Variants in CYP20A1 observed in about 807,000 individuals in gnomAD.
CYP20A1 encodes cytochrome P450 20A1.
A neutral mutation model predicts 61.4 loss-of-function variants in CYP20A1; 61 were observed. The observed-to-expected ratio is 0.99, with a 90% CI of 0.81 to 1.23. CYP20A1 has a LOEUF of 1.23. CYP20A1 is among the 50% of genes most tolerant of loss of function. The pLI is 0.00. For missense variants in CYP20A1, 530 were observed against 542.4 expected (o/e 0.98, Z 0.23); for synonymous variants, 193 against 188.2 (o/e 1.03, Z -0.21).
chr2:203,294,553 T>TAA (rs2068690922), intron 11 of CYP20A1, among the ~76,000 whole-genome samples: 1 of 151,990 alleles, frequency 6.6e-6, no homozygotes, highest in African/African-American at 2.4e-5. Flanking sequence ...AAAATAATGA[T>TAA]AATAATCACA....
rs1340101595 is a variant in CYP20A1 at position 203,305,185 on chromosome 2, G to A, written c.*8277G>A. 1.4e-5 allele frequency among the ~76,000 whole-genome samples: 2 copies of A among 146,460 alleles called. No homozygotes were observed. Among genetic ancestry groups the A allele is most frequent in the Non-Finnish European group, 3.0e-5 (2 of 67,234 alleles). On this transcript the variant is annotated 3_prime_UTR_variant, in exon 13 of 13. Coordinates refer to ENST00000356079, the MANE Select transcript of CYP20A1 (RefSeq NM_177538.3). ...TCCCAATTTAATTGGTTTACAGTTC[G>A]GTGGCTGTCTTTTTTTTTTTTTTTT... is the stretch of plus-strand genomic sequence containing the variant.
intron 6 of CYP20A1, among the ~76,000 whole-genome samples, chr2:203,274,746 A>G (rs544444404): frequency 6.6e-6 from 1 of 152,232 alleles, no homozygotes; most frequent in African/African-American, 2.4e-5. Flanking sequence ...AAAAAAAGAA[A>G]AAAAAAAGCC....
At position 203,305,226 on chromosome 2, in the gene CYP20A1, G is replaced by A. The variant is rs12615522; in HGVS notation, c.*8318G>A. ...TTTTTTTTTTTTTTTTTTTGAGACC[G>A]AGTCTCCCTCTGTCACCAGGCTGGA... On this transcript the variant is annotated 3_prime_UTR_variant, in exon 13 of 13. Coordinates refer to ENST00000356079, the MANE Select transcript of CYP20A1 (RefSeq NM_177538.3). 6.9e-5 allele frequency among the ~76,000 whole-genome samples: 8 copies of A among 115,268 alleles called. No homozygotes were observed. Among genetic ancestry groups the A allele is most frequent in the East Asian group, 2.5e-4 (1 of 4,004 alleles). The allele number at this position is 115,268 out of a possible 152,430, so 75.6% of individuals were successfully genotyped here.
intron 10 of CYP20A1, among the ~76,000 whole-genome samples, chr2:203,291,419 A>T (rs2068525812): frequency 6.6e-6 from 1 of 152,150 alleles, no homozygotes; most frequent in South Asian, 2.1e-4. Context: ...TTTCTTTCCA[A>T]ATCCTCACTG....
intron 4 of CYP20A1, among the ~76,000 whole-genome samples, chr2:203,256,555 C>CTGCCTTTAGTAGAGGCAGG (rs2066900525): frequency 6.6e-6 from 1 of 151,910 alleles, no homozygotes; most frequent in Non-Finnish European, 1.5e-5. Context: ...GGCAGGGTTT[C>CTGCCTTTAGTAGAGGCAGG]GCCATGTTAG....
rs143455915 is a variant in CYP20A1 at position 203,276,190 on chromosome 2, A to G, written c.680-2383A>G. On this transcript the variant is annotated intron_variant, in intron 6 of 12. Transcript: ENST00000356079. ...ACTCTGCTGCTGTATTTGAAGTACA[A>G]CAGGAAGGCCAGTATGGCTGGAATG... is the stretch of plus-strand genomic sequence containing the variant. Among the ~76,000 whole-genome samples, 9 of 152,328 alleles carry G rather than the reference A, an allele frequency of 5.9e-5. 1 individual carries two copies. The highest frequency in any genetic ancestry group is 5.8e-4 in the East Asian group (3 of 5,188).
intron 5 of CYP20A1, among the ~76,000 whole-genome samples, chr2:203,271,975 C>A (rs556006155): frequency 1.3e-5 from 2 of 151,890 alleles, no homozygotes; most frequent in African/African-American, 2.4e-5. Context: ...TGCAGTCAGC[C>A]GAGATCACAC....
chr2:203,304,300 C>T lies in CYP20A1; in HGVS notation c.*7392C>T, dbSNP rs1284636820. Among the ~76,000 whole-genome samples, 3 of 152,140 alleles carry T rather than the reference C, an allele frequency of 2.0e-5. No individual in the cohort carries two copies. The highest frequency in any genetic ancestry group is 2.1e-4 in the South Asian group (1 of 4,828). On this transcript the variant is annotated 3_prime_UTR_variant, in exon 13 of 13. Transcript: ENST00000356079. ...ACAACCTCCATCTCCCCAGTTCAAG[C>T]GATTCTCCTGCCTCAGCCTCCCGAG...
intron 5 of CYP20A1, 97 bp from the exon 6 acceptor site, chr2:203,272,573 A>AAAG: frequency 2.9e-6 from 1 of 348,504 alleles, no homozygotes; most frequent in Non-Finnish European, 5.3e-6. Flanking sequence ...AAAAAAAAAG[A>AAAG]GTTAAAGAGT....
At position 203,280,121 on chromosome 2, in the gene CYP20A1, T is replaced by C. The variant is rs758590869; in HGVS notation, c.850+8T>C. 6.3e-7 allele frequency: 1 copy of C among 1,595,480 alleles called. No individual in the cohort carries two copies. Among genetic ancestry groups the C allele is most frequent in the Non-Finnish European group, 8.6e-7 (1 of 1,168,310 alleles). ...GCATAATAACTGCAAAATGTAAGTA[T>C]AAATTGATTTCTTTTTCAGAGGAAT... On this transcript the variant is annotated splice_region_variant and intron_variant, in intron 8 of 12. Coordinates refer to ENST00000356079, the MANE Select transcript of CYP20A1 (RefSeq NM_177538.3).
Position 203,272,712 on chromosome 2 carries a change from G to C in CYP20A1, c.643G>C (p.Asp215His). 6.2e-7 allele frequency: 1 copy of C among 1,606,858 alleles called. No individual in the cohort carries two copies. The highest frequency in any genetic ancestry group is 8.5e-7 in the Non-Finnish European group (1 of 1,177,896). Residue 215 changes from aspartate to histidine, a missense_variant, in exon 6 of 13, where the codon GAT becomes CAT. Coordinates refer to ENST00000356079, the MANE Select transcript of CYP20A1 (RefSeq NM_177538.3). ...IGKGFLDGSL[D>H]KNMTRKKQYE... ...AAAAGGCTTTCTAGATGGGTCACTT[G>C]ATAAAAACATGACTCGGAAAAAACA...
chr2:203,247,270 AAAAG>A (rs1298583451), intron 3 of CYP20A1, among the ~76,000 whole-genome samples: 7 of 152,010 alleles, frequency 4.6e-5, no homozygotes, highest in Non-Finnish European at 7.4e-5. Context: ...AAAAAATAAA[AAAAG>A]AATTAATGTT....
intron 11 of CYP20A1, among the ~76,000 whole-genome samples, chr2:203,293,602 G>C (rs763120663): frequency 6.6e-6 from 1 of 150,800 alleles, no homozygotes; most frequent in Non-Finnish European, 1.5e-5. Context: ...AGGTTTTTGG[G>C]GAACAGGTGG....
chr2:203,270,758 C>T (rs1273893662), intron 5 of CYP20A1, among the ~76,000 whole-genome samples: 1 of 137,308 alleles, frequency 7.3e-6, no homozygotes, highest in Non-Finnish European at 1.5e-5. Context: ...TTTTAGGCTG[C>T]AGTGCCTCAG....
Position 203,298,798 on chromosome 2 carries a change from G to A in CYP20A1, c.*1890G>A, listed in dbSNP as rs2152117653. ...GCCTGTTATCCTAACACTTTGGGAA[G>A]CCGACATGGGCAGATCACGAGGTCA... On this transcript the variant is annotated 3_prime_UTR_variant, in exon 13 of 13. Transcript: ENST00000356079. 6.6e-6 allele frequency among the ~76,000 whole-genome samples: 1 copy of A among 152,076 alleles called. No individual in the cohort carries two copies. The highest frequency in any genetic ancestry group is 1.9e-4 in the East Asian group (1 of 5,170).
Position 203,291,497 on chromosome 2 carries a change from C to T in CYP20A1, c.1084-765C>T, listed in dbSNP as rs75888963. ...TTCTCTGATCATTGGAGAGATAGAACAAATTTTCATACATATATTAACAGT... is the reference window on the plus strand; with the variant it reads ...TTCTCTGATCATTGGAGAGATAGAATAAATTTTCATACATATATTAACAGT... On this transcript the variant is annotated intron_variant, in intron 10 of 12. Coordinates refer to ENST00000356079, the MANE Select transcript of CYP20A1 (RefSeq NM_177538.3). 5.4e-3 allele frequency among the ~76,000 whole-genome samples: 821 copies of T among 152,254 alleles called. 8 individuals carry two copies. The highest frequency in any genetic ancestry group is 0.019 in the African/African-American group (774 of 41,538).
intron 5 of CYP20A1, among the ~76,000 whole-genome samples, chr2:203,268,630 T>C (rs2067432171): frequency 2.0e-5 from 3 of 152,108 alleles, no homozygotes; most frequent in Admixed American, 1.3e-4. Flanking sequence ...GTTTTTTACA[T>C]CCACAGCCTT....
rs533381592 is a variant in CYP20A1, at chr2:203,302,176, C to T, written c.*5268C>T. 6.6e-6 allele frequency among the ~76,000 whole-genome samples: 1 copy of T among 152,302 alleles called. No homozygotes were observed. Among genetic ancestry groups the T allele is most frequent in the Non-Finnish European group, 1.5e-5 (1 of 68,020 alleles). ...CCTCAACCTCAAGTAGTCTGCCCACCTTGACCTCCCAAAGTGCTGGGATTA... is the reference window on the plus strand; with the variant it reads ...CCTCAACCTCAAGTAGTCTGCCCACTTTGACCTCCCAAAGTGCTGGGATTA... On this transcript the variant is annotated 3_prime_UTR_variant, in exon 13 of 13. Coordinates refer to ENST00000356079, the MANE Select transcript of CYP20A1 (RefSeq NM_177538.3).
intron 4 of CYP20A1, among the ~76,000 whole-genome samples, chr2:203,263,103 C>T (rs1217478068): frequency 6.6e-6 from 1 of 151,888 alleles, no homozygotes; most frequent in Non-Finnish European, 1.5e-5. Flanking sequence ...GTTCTCCTGC[C>T]TCAGCCGCCC....
Sources: allele counts gnomAD v4.1 joint callset (sites outside exome capture counted in the v4.1 genomes callset), GRCh38; gene constraint gnomAD v4.1.1; transcripts MANE v1.5; gene names NCBI Gene and HGNC (gene_info 2026-07-23, HGNC 2026-07-21).